Variants in SEMA3C observed in about 807,000 individuals in gnomAD.
SEMA3C encodes semaphorin 3C.
SEMA3C carries 47 observed loss-of-function variants against 89.4 expected under a neutral mutation model. The ratio of observed to expected loss-of-function variants is 0.53; its 90% CI spans 0.42 to 0.67. The LOEUF (loss-of-function observed/expected upper bound fraction) is 0.67, where lower values mean the gene tolerates loss of function less well. Ranked by LOEUF, SEMA3C falls within the 30% of genes least tolerant of loss-of-function variation. SEMA3C has a pLI of 0.00. For synonymous variants in SEMA3C, 310 were observed against 320.2 expected (o/e 0.97, Z 0.34); for missense variants, 839 against 929.1 (o/e 0.90, Z 1.26).
chr7:80,837,962 T>G (rs1280630764), intron 2 of SEMA3C, among the ~76,000 whole-genome samples: 1 of 152,194 alleles, frequency 6.6e-6, no homozygotes, highest in Non-Finnish European at 1.5e-5. Flanking sequence ...ACTCTAAACA[T>G]GAAACACAGG....
intron 11 of SEMA3C, among the ~76,000 whole-genome samples, chr7:80,789,825 A>G (rs1265744313): frequency 6.6e-6 from 1 of 152,156 alleles, no homozygotes; most frequent in Admixed American, 6.6e-5. Context: ...CCACTTTTCT[A>G]TTTATTTTGT....
intron 15 of SEMA3C, 88 bp downstream of exon 15, chr7:80,758,243 G>A: frequency 1.4e-6 from 2 of 1,385,540 alleles, no homozygotes; most frequent in Middle Eastern, 2.5e-4. Flanking sequence ...TAAGGAAACA[G>A]CAATAGAACT....
At chr7:80,895,511 C>T (rs1791713091) in intron 2 of SEMA3C, among the ~76,000 whole-genome samples, 1 of 152,098 alleles carries the variant, frequency 6.6e-6, no homozygotes, top group Non-Finnish European at 1.5e-5. Context: ...CTAGACTTAA[C>T]AAAATGACTT....
chr7:80,846,659 ATAC>A (rs2115910411), intron 2 of SEMA3C, among the ~76,000 whole-genome samples: 1 of 152,232 alleles, frequency 6.6e-6, no homozygotes, highest in African/African-American at 2.4e-5. Context: ...GGCTTAATTG[ATAC>A]TACTATCTAT....
chr7:80,916,376 A>T (rs1792274351), intron 2 of SEMA3C, among the ~76,000 whole-genome samples: 1 of 152,234 alleles, frequency 6.6e-6, no homozygotes, highest in African/African-American at 2.4e-5. Context: ...CAGTAAGATC[A>T]AAGATGCTAG....
chr7:80,745,018 T>A lies in SEMA3C; in HGVS notation c.2132A>T (p.Asp711Val). Residue 711 changes from aspartate (D) to valine (V), a missense_variant, in exon 18 of 18, where the codon GAC (aspartate) becomes GTC (valine). Transcript: ENST00000265361. ...TCCCTGCTGATGTTGCTGCCGAGTGTCTTTGCAATATTGGTTAATCATCTG... is the reference window on the plus strand; with the variant it reads ...TCCCTGCTGATGTTGCTGCCGAGTGACTTTGCAATATTGGTTAATCATCTG... ...EMQMINQYCK[D>V]TRQQHQQGDE... 1 of 1,614,102 alleles carries A rather than the reference T, an allele frequency of 6.2e-7. No homozygotes were observed. The highest frequency in any genetic ancestry group is 8.5e-7 in the Non-Finnish European group (1 of 1,179,992).
At chr7:80,747,050 C>A (rs1242990427) in intron 17 of SEMA3C, among the ~76,000 whole-genome samples, 1 of 151,878 alleles carries the variant, frequency 6.6e-6, no homozygotes, top group African/African-American at 2.4e-5. Flanking sequence ...TAGAAAGGAT[C>A]AGAATAAGTT....
In SEMA3C at chr7:80,885,251, T is replaced by C. The variant is rs191046047; in HGVS notation, c.103+31428A>G. Reference sequence around the variant, plus strand: ...TGTTTGTTTTCAGACATTTGGAAGATAGCTCTTCTCTACATTTTCCCCCTC... The same window carrying C: ...TGTTTGTTTTCAGACATTTGGAAGACAGCTCTTCTCTACATTTTCCCCCTC... On this transcript the variant is annotated intron_variant, in intron 2 of 17. Coordinates refer to ENST00000265361, the MANE Select transcript of SEMA3C (RefSeq NM_006379.5). Among the ~76,000 whole-genome samples the C allele has an allele frequency of 1.5e-3, 227 of 152,316 alleles. 7 individuals carry two copies. The highest frequency in any genetic ancestry group is 9.3e-3 in the South Asian group (45 of 4,824).
chr7:80,876,464 C>G (rs1791205533), intron 2 of SEMA3C, among the ~76,000 whole-genome samples: 1 of 152,262 alleles, frequency 6.6e-6, no homozygotes, highest in African/African-American at 2.4e-5. Context: ...GATGCTCTAC[C>G]ATTTGTTTTG....
At chr7:80,862,317 C>G (rs1790791124) in intron 2 of SEMA3C, among the ~76,000 whole-genome samples, 1 of 152,002 alleles carries the variant, frequency 6.6e-6, no homozygotes, top group Admixed American at 6.6e-5. Flanking sequence ...AGAATCAAAC[C>G]AAGAACTCAA....
At chr7:80,750,473 T>TACACACAC (rs56793292) in intron 16 of SEMA3C, among the ~76,000 whole-genome samples, 555 of 55,240 alleles carry the variant, frequency 0.01, 15 homozygotes, top group African/African-American at 0.013. Flanking sequence ...TATATATATA[T>TACACACAC]ACACACACAC....
chr7:80,831,545 T>C (rs1052744904), intron 2 of SEMA3C, among the ~76,000 whole-genome samples: 4 of 152,170 alleles, frequency 2.6e-5, no homozygotes, highest in African/African-American at 9.7e-5. Flanking sequence ...AATATTAATA[T>C]ATTCAATTTT....
chr7:80,789,234 C>T lies in SEMA3C; in HGVS notation c.1354+72G>A, dbSNP rs1171321669. ...GTTTTTCTAGTTTCAAGATCATGGCCCTTACCTACTACCTATATTTAGTAC... is the reference window on the plus strand; with the variant it reads ...GTTTTTCTAGTTTCAAGATCATGGCTCTTACCTACTACCTATATTTAGTAC... On this transcript the variant is annotated intron_variant, in intron 12 of 17. Coordinates refer to ENST00000265361, the MANE Select transcript of SEMA3C (RefSeq NM_006379.5). 3.3e-6 allele frequency: 4 copies of T among 1,194,660 alleles called. No individual in the cohort carries two copies. The South Asian group carries it at 4.4e-5, about 13-fold the overall frequency. 74.0% of individuals were successfully genotyped at this position (1,194,660 alleles called of 1,614,324 possible).
At chr7:80,912,823 A>G (rs988876888) in intron 2 of SEMA3C, among the ~76,000 whole-genome samples, 5 of 152,308 alleles carry the variant, frequency 3.3e-5, no homozygotes, top group Admixed American at 6.5e-5. Flanking sequence ...GGGCAACCAC[A>G]ACAAAAACTA....
chr7:80,780,172 A>C (rs1435966462), intron 12 of SEMA3C, among the ~76,000 whole-genome samples: 1 of 152,218 alleles, frequency 6.6e-6, no homozygotes, highest in East Asian at 1.9e-4. Context: ...AAACTATCTC[A>C]AATATGTATC....
chr7:80,744,781 A>G lies in SEMA3C; in HGVS notation c.*113T>C. ...TTCGTGTAAAACTCACTTCAGGAGTAATCACCTTTTTCAGTAATTCCCCTT... is the reference window on the plus strand; with the variant it reads ...TTCGTGTAAAACTCACTTCAGGAGTGATCACCTTTTTCAGTAATTCCCCTT... On this transcript the variant is annotated 3_prime_UTR_variant, in exon 18 of 18. Coordinates refer to ENST00000265361, the MANE Select transcript of SEMA3C (RefSeq NM_006379.5). The G allele has an allele frequency of 8.4e-7, 1 of 1,193,676 alleles. No homozygotes were observed. The highest frequency in any genetic ancestry group is 1.2e-6 in the Non-Finnish European group (1 of 817,742). 73.9% of individuals were successfully genotyped at this position (1,193,676 alleles called of 1,614,324 possible).
chr7:80,788,400 T>A (rs1230174635), intron 12 of SEMA3C, among the ~76,000 whole-genome samples: 1 of 152,164 alleles, frequency 6.6e-6, no homozygotes, highest in Non-Finnish European at 1.5e-5. Context: ...AAGACGTGAG[T>A]AGTGGTTCCT....
chr7:80,798,360 C>A, intron 10 of SEMA3C, 124 bp from the exon 11 acceptor site: 2 of 841,132 alleles, frequency 2.4e-6, no homozygotes, highest in Non-Finnish European at 1.7e-6. Flanking sequence ...TAAATGTTAT[C>A]GAACACATGT....
intron 11 of SEMA3C, among the ~76,000 whole-genome samples, chr7:80,794,853 C>A (rs894390428): frequency 6.6e-6 from 1 of 152,254 alleles, no homozygotes; most frequent in African/African-American, 2.4e-5. Context: ...GAATTACTTA[C>A]GGAAAAATAT....
Sources: allele counts gnomAD v4.1 joint callset (sites outside exome capture counted in the v4.1 genomes callset), GRCh38; gene constraint gnomAD v4.1.1; transcripts MANE v1.5; gene names NCBI Gene and HGNC (gene_info 2026-07-23, HGNC 2026-07-21).